The following SCN7A variants were observed in gnomAD, a reference collection of about 807,000 sequenced individuals.
SCN7A encodes the protein sodium channel protein type 7 subunit alpha.
A neutral mutation model predicts 155.2 loss-of-function variants in SCN7A; 138 were observed. That is an observed-to-expected ratio of 0.89 (90% confidence interval 0.77 to 1.02). SCN7A has a LOEUF of 1.02. SCN7A is among the 50% of genes least tolerant of loss of function. The pLI is 0.00. For missense variants in SCN7A, 2,058 were observed against 1,986.6 expected (o/e 1.04, Z -0.68); for synonymous variants, 693 against 649.0 (o/e 1.07, Z -1.03).
chr2:166,423,805 C>T (rs76363307), intron 18 of SCN7A, among the ~76,000 whole-genome samples: 1 of 151,960 alleles, frequency 6.6e-6, no homozygotes, highest in East Asian at 1.9e-4. Context: ...TTCCAGGTAG[C>T]CAACTCACAG....
chr2:166,430,526 C>T (rs1160606598), intron 16 of SCN7A, among the ~76,000 whole-genome samples: 4 of 151,526 alleles, frequency 2.6e-5, no homozygotes, highest in African/African-American at 9.7e-5. Flanking sequence ...TGTAAAAAGC[C>T]TTGTACATAT....
chr2:166,451,528 G>T (rs1469806025), intron 11 of SCN7A, among the ~76,000 whole-genome samples: 4 of 152,094 alleles, frequency 2.6e-5, no homozygotes, highest in Non-Finnish European at 4.4e-5. Context: ...TTTTTTGGAG[G>T]GGAGGTAGTA....
At position 166,447,133 on chromosome 2, in the gene SCN7A, G is replaced by A. The variant is rs114261283; in HGVS notation, c.1387+479C>T. Among the ~76,000 whole-genome samples the A allele has an allele frequency of 1.9e-3, 293 of 152,236 alleles. 2 individuals are homozygous for A. Among genetic ancestry groups the A allele is most frequent in the African/African-American group, 6.7e-3 (280 of 41,544 alleles). On this transcript the variant is annotated intron_variant, in intron 12 of 25. Coordinates refer to ENST00000643258, the MANE Select transcript of SCN7A (RefSeq NM_002976.4). The stretch of plus-strand genomic sequence containing the variant: ...TGGCTTAGACAAAAGAAAATGAAGC[G>A]AACGTGTATTAGAAGAAAAATGTAG...
At chr2:166,450,970 CG>C (rs945658149) in intron 11 of SCN7A, among the ~76,000 whole-genome samples, 10 of 152,064 alleles carry the variant, frequency 6.6e-5, no homozygotes, top group African/African-American at 2.4e-4. Flanking sequence ...TAAGATCCGA[CG>C]GGGATTTCTT....
At position 166,477,546 on chromosome 2, in the gene SCN7A, G is replaced by T. The variant is rs769751641; in HGVS notation, c.151C>A (p.Pro51Thr). The change falls in exon 3 of 26, where the codon CCA (proline) becomes ACA (threonine). Residue 51 changes from proline (P) to threonine (T), a missense_variant. Physicochemically the swap from Pro to Thr is conservative, Grantham distance 38. Coordinates refer to ENST00000643258, the MANE Select transcript of SCN7A (RefSeq NM_002976.4). ...TPDLEVGKKL[P>T]FIYGNLSQGM... ...TGAGAAAGGTTTCCATAAATAAATG[G>T]AAGCTTTTTGCCAACTTCCAAATCA... 5.6e-5 allele frequency: 87 copies of T among 1,566,394 alleles called. No individual in the cohort carries two copies. The highest frequency in any genetic ancestry group is 6.7e-5 in the Non-Finnish European group (77 of 1,153,566).
rs562265579 is a variant in SCN7A, at chr2:166,469,823, A to T, written c.664+792T>A. On this transcript the variant is annotated intron_variant, in intron 7 of 25. Coordinates refer to ENST00000643258, the MANE Select transcript of SCN7A (RefSeq NM_002976.4). ...CAGTTTTTATTAAACAGCTTTACTGAGATATAATTCACAAGCCCCACAATT... is the reference window on the plus strand; with the variant it reads ...CAGTTTTTATTAAACAGCTTTACTGTGATATAATTCACAAGCCCCACAATT... 5.3e-5 allele frequency among the ~76,000 whole-genome samples: 8 copies of T among 152,060 alleles called. No homozygotes were observed. The South Asian group carries it at 1.7e-3, about 32-fold the overall frequency.
At chr2:166,471,511 T>G (rs544131050) in intron 6 of SCN7A, among the ~76,000 whole-genome samples, 2 of 151,996 alleles carry the variant, frequency 1.3e-5, no homozygotes, top group South Asian at 4.1e-4. Flanking sequence ...TATGTTAGAT[T>G]GCTTACAACA....
At chr2:166,425,844 A>T (rs996491013) in intron 18 of SCN7A, among the ~76,000 whole-genome samples, 6 of 152,066 alleles carry the variant, frequency 3.9e-5, no homozygotes, top group Non-Finnish European at 7.4e-5. Context: ...TTAATATTCA[A>T]AGGTTCTGGG....
chr2:166,437,743 A>G (rs912327125), intron 15 of SCN7A, among the ~76,000 whole-genome samples: 1 of 152,046 alleles, frequency 6.6e-6, no homozygotes, highest in South Asian at 2.1e-4. Context: ...GTAAAAGGAG[A>G]TCATTTTGGA....
In SCN7A at chr2:166,465,896, A is replaced by G; in HGVS notation, c.756T>C (p.Ser252=). Residue 252 remains serine, a synonymous_variant, in exon 8 of 26, where the codon TCT becomes TCC. Coordinates refer to ENST00000643258, the MANE Select transcript of SCN7A (RefSeq NM_002976.4). ...CCATGAAGAGCCCCATCCCAATTAG[A>G]GAAAATATGCTCAGAAAAAACAGAG... ...ILTLFFLSIF[S]LIGMGLFMGN... is the part of the protein sequence containing the mutation. 2 of 1,613,910 alleles carry G rather than the reference A, an allele frequency of 1.2e-6. No individual in the cohort carries two copies. Among genetic ancestry groups the G allele is most frequent in the Non-Finnish European group, 1.7e-6 (2 of 1,179,828 alleles).
At chr2:166,414,993 A>G (rs140497563) in intron 21 of SCN7A, among the ~76,000 whole-genome samples, 2,092 of 116,548 alleles carry the variant, frequency 0.018, 17 homozygotes, top group Middle Eastern at 0.031. Context: ...ATTATTATAT[A>G]GGATAATATA....
At chr2:166,412,314 A>G (rs1339593430) in intron 23 of SCN7A, among the ~76,000 whole-genome samples, 1 of 152,084 alleles carries the variant, frequency 6.6e-6, no homozygotes, top group East Asian at 1.9e-4. Context: ...TGTAATGTTT[A>G]ACTTTTAAAC....
chr2:166,412,442 G>A, intron 23 of SCN7A, 88 bp downstream of exon 23: 1 of 1,248,368 alleles, frequency 8.0e-7, no homozygotes, highest in Non-Finnish European at 1.0e-6. Context: ...TGAATCCAAA[G>A]CCAATTATTT....
At chr2:166,483,048 C>T (rs951916239) in intron 2 of SCN7A, among the ~76,000 whole-genome samples, 1 of 151,960 alleles carries the variant, frequency 6.6e-6, no homozygotes, top group African/African-American at 2.4e-5. Flanking sequence ...ATAATTCTAT[C>T]AAAGTCAATT....
At position 166,406,137 on chromosome 2, in the gene SCN7A, A is replaced by G. The variant is rs943630117; in HGVS notation, c.4492T>C (p.Phe1498Leu). 1.9e-6 allele frequency: 3 copies of G among 1,611,416 alleles called. No homozygotes were observed. The highest frequency in any genetic ancestry group is 2.5e-6 in the Non-Finnish European group (3 of 1,178,822). Residue 1498 changes from phenylalanine to leucine, a missense_variant, in exon 26 of 26, where the codon TTT becomes CTT. Transcript: ENST00000643258. Reference sequence around the variant, plus strand: ...TTCTTCTTAGAAGCAATATTTAAAAACTCCATGACAACAACAATGTACATA... The same window carrying G: ...TTCTTCTTAGAAGCAATATTTAAAAGCTCCATGACAACAACAATGTACATA... The part of the protein sequence containing the change: ...VNMYIVVVME[F>L]LNIASKKKNK...
At chr2:166,427,160 A>G (rs1559096913) in intron 18 of SCN7A, among the ~76,000 whole-genome samples, 1 of 152,110 alleles carries the variant, frequency 6.6e-6, no homozygotes, top group Non-Finnish European at 1.5e-5. Flanking sequence ...AAATAGCTGC[A>G]CAGAGTTCCA....
At chr2:166,456,805 T>A (rs959228220) in intron 11 of SCN7A, 65 bp downstream of exon 11, 7 of 28,802 alleles carry the variant, frequency 2.4e-4, no homozygotes, top group Middle Eastern at 7.9e-3. Flanking sequence ...AAGACTAAAA[T>A]ATATATATAT....
Position 166,456,903 on chromosome 2 carries a change from TC to T in SCN7A, c.1256del (p.Gly419GlufsTer18). ...TTTCATTTCCTTCTTGAAGTTCTTT[TC>T]CAGTCTGTTGAAATTTTGGTTCAAT... ...KKIEPKFQQT[G>X]KELQEGNETD... On this transcript the variant is annotated frameshift_variant, in exon 11 of 26. Transcript: ENST00000643258. LOFTEE classifies it high-confidence loss of function. The T allele has an allele frequency of 6.4e-7, 1 of 1,552,140 alleles. No homozygotes were observed. The highest frequency in any genetic ancestry group is 8.7e-7 in the Non-Finnish European group (1 of 1,146,992).
At chr2:166,445,138 A>G (rs1014253291) in intron 12 of SCN7A, 138 bp from the exon 13 acceptor site, 5 of 600,764 alleles carry the variant, frequency 8.3e-6, no homozygotes, top group African/African-American at 5.6e-5. Context: ...CAATATAGTG[A>G]AACTTTGTCT....
Sources: gnomAD v4.1 joint callset for allele counts (sites outside exome capture counted in the v4.1 genomes callset) on GRCh38, gnomAD v4.1.1 for gene constraint, MANE v1.5 for transcripts, NCBI Gene and HGNC (gene_info 2026-07-23, HGNC 2026-07-21) for gene names.